PDE1A: variants seen among roughly 807,000 people sequenced by gnomAD.
PDE1A encodes the protein phosphodiesterase 1A.
PDE1A carries 35 observed loss-of-function variants against 61.7 expected under a neutral mutation model. The ratio of observed to expected loss-of-function variants is 0.57; its 90% confidence interval spans 0.43 to 0.75. The LOEUF (loss-of-function observed/expected upper bound fraction) is 0.75, where lower values mean the gene tolerates loss of function less well. Ranked by LOEUF, PDE1A falls within the 30% of genes least tolerant of loss-of-function variation. The pLI is 0.00. For missense variants in PDE1A, 597 were observed against 630.6 expected (o/e 0.95, Z 0.57); for synonymous variants, 232 against 213.2 (o/e 1.09, Z -0.77).
chr2:182,234,321 C>T (rs1328572624), intron 4 of PDE1A, 111 bp downstream of exon 4: 11 of 679,522 alleles, frequency 1.6e-5, no homozygotes, highest in Admixed American at 8.5e-5. Flanking sequence ...AATTTTTTAA[C>T]GTTCTAAGAT....
chr2:182,628,035 A>G, the PDE1A span, among the ~76,000 whole-genome samples: 1 of 133,316 alleles, frequency 7.5e-6, no homozygotes, highest in Non-Finnish European at 1.6e-5. Context: ...CAGTGCTTCT[A>G]TGAAAAAAGT....
the PDE1A span, among the ~76,000 whole-genome samples, chr2:182,543,463 G>T: frequency 6.6e-5 from 10 of 152,270 alleles, no homozygotes; most frequent in African/African-American, 2.4e-4. Flanking sequence ...TGTTTGGGTA[G>T]TCCAACCCAG....
At chr2:182,287,983 G>C (rs1398394239) in intron 1 of PDE1A, among the ~76,000 whole-genome samples, 1 of 152,068 alleles carries the variant, frequency 6.6e-6, no homozygotes, top group Non-Finnish European at 1.5e-5. Context: ...TCAGTTCAAA[G>C]AGAGAACAAG....
chr2:182,338,249 G>A (rs1697966809), intron 1 of PDE1A, among the ~76,000 whole-genome samples: 1 of 152,150 alleles, frequency 6.6e-6, no homozygotes, highest in Admixed American at 6.5e-5. Flanking sequence ...GTTTGATGTG[G>A]AATTACATAA....
chr2:182,610,087 C>CA, the PDE1A span, among the ~76,000 whole-genome samples: 53,733 of 126,968 alleles, frequency 0.42, 11,410 homozygotes, highest in East Asian at 0.59. Context: ...GACTCTATCT[C>CA]AAAAAAAAAA....
downstream of PDE1A, among the ~76,000 whole-genome samples, chr2:182,164,810 C>T (rs1282179856): frequency 4.6e-5 from 7 of 152,152 alleles, no homozygotes; most frequent in East Asian, 1.4e-3. Flanking sequence ...TTTGTCCTTA[C>T]TGGCATAGAC....
intron 7 of PDE1A, among the ~76,000 whole-genome samples, chr2:182,209,255 A>C (rs1687372205): frequency 6.6e-6 from 1 of 152,058 alleles, no homozygotes. Flanking sequence ...AAGAGAGAGA[A>C]TGAGAACCAA....
intron 1 of PDE1A, among the ~76,000 whole-genome samples, chr2:182,412,877 C>G (rs1702699395): frequency 6.6e-6 from 1 of 152,104 alleles, no homozygotes; most frequent in Admixed American, 6.5e-5. Flanking sequence ...CTCAGAAATT[C>G]AGAGCTACAA....
At chr2:182,548,743 A>G in the PDE1A span, among the ~76,000 whole-genome samples, 1 of 152,054 alleles carries the variant, frequency 6.6e-6, no homozygotes, top group Non-Finnish European at 1.5e-5. Flanking sequence ...ACACTAGTAT[A>G]TTTTCCCCAC....
chr2:182,409,637 G>A (rs1343351076), intron 1 of PDE1A, among the ~76,000 whole-genome samples: 11 of 152,156 alleles, frequency 7.2e-5, no homozygotes, highest in African/African-American at 2.7e-4. Context: ...GTGGGTGCCT[G>A]TTTGCTTACT....
At chr2:182,218,367 T>C (rs1406546389) in intron 7 of PDE1A, among the ~76,000 whole-genome samples, 1 of 151,552 alleles carries the variant, frequency 6.6e-6, no homozygotes, top group Non-Finnish European at 1.5e-5. Context: ...CATGTATACA[T>C]ATGTAACTAA....
chr2:182,684,978 G>A, the PDE1A span, among the ~76,000 whole-genome samples: 1 of 151,818 alleles, frequency 6.6e-6, no homozygotes, highest in South Asian at 2.1e-4. Flanking sequence ...GAAAGAAGAG[G>A]AGATTTAGCA....
intron 2 of PDE1A, among the ~76,000 whole-genome samples, chr2:182,464,598 AAAT>A (rs1401841558): frequency 1.3e-5 from 2 of 152,154 alleles, no homozygotes; most frequent in African/African-American, 4.8e-5. Context: ...ATGGTAAAAA[AAAT>A]AATAATAATA....
At chr2:182,450,479 C>T (rs1300192047) in intron 2 of PDE1A, among the ~76,000 whole-genome samples, 2 of 151,734 alleles carry the variant, frequency 1.3e-5, no homozygotes, top group African/African-American at 4.8e-5. Context: ...AGCATTTGCC[C>T]ATGAAACTGA....
chr2:182,348,833 G>T (rs987912061), intron 1 of PDE1A, among the ~76,000 whole-genome samples: 1 of 151,646 alleles, frequency 6.6e-6, no homozygotes, highest in African/African-American at 2.4e-5. Flanking sequence ...AGTTCAAATT[G>T]TTCTGTACTT....
intron 1 of PDE1A, among the ~76,000 whole-genome samples, chr2:182,397,814 G>A (rs963294828): frequency 6.6e-6 from 1 of 152,016 alleles, no homozygotes; most frequent in African/African-American, 2.4e-5. Context: ...GCTTCATATA[G>A]AAAAATGATC....
intron 1 of PDE1A, among the ~76,000 whole-genome samples, chr2:182,382,930 A>G (rs1038595217): frequency 2.0e-5 from 3 of 152,238 alleles, no homozygotes; most frequent in African/African-American, 4.8e-5. Flanking sequence ...AAAGTAAGAA[A>G]TGGTGCTAGA....
intron 5 of PDE1A, among the ~76,000 whole-genome samples, chr2:182,230,620 T>C (rs1323194918): frequency 6.6e-6 from 1 of 152,144 alleles, no homozygotes. Flanking sequence ...GCTTGGATGG[T>C]TCTAAATGAA....
intron 1 of PDE1A, among the ~76,000 whole-genome samples, chr2:182,372,360 CTGTT>C (rs776484461): frequency 6.6e-5 from 10 of 152,046 alleles, no homozygotes; most frequent in South Asian, 4.1e-4. Context: ...AATTCAATAA[CTGTT>C]TGATAAATAA....
Sources: gnomAD v4.1 joint callset for allele counts (sites outside exome capture counted in the v4.1 genomes callset) on GRCh38, gnomAD v4.1.1 for gene constraint, MANE v1.5 for transcripts, NCBI Gene and HGNC (gene_info 2026-07-23, HGNC 2026-07-21) for gene names.